The following EVI5 variants were observed in gnomAD, a reference collection of about 807,000 sequenced individuals.
EVI5 encodes ecotropic viral integration site 5.
In EVI5, 73 loss-of-function variants were observed where a neutral mutation model predicts 112.0. The observed-to-expected ratio is 0.65, with a 90% confidence interval of 0.54 to 0.79. The LOEUF is 0.79. Ranked by LOEUF, EVI5 falls within the 30% of genes least tolerant of loss-of-function variation. EVI5 has a pLI of 0.00. For synonymous variants in EVI5, 305 were observed against 319.9 expected, an observed-to-expected ratio of 0.95 and a Z score of 0.50; for missense variants, 900 against 968.8, an observed-to-expected ratio of 0.93 and a Z score of 0.94.
chr1:92,580,229 A>G (rs4847327), intron 18 of EVI5, among the ~76,000 whole-genome samples: 140,266 of 152,252 alleles, frequency 0.92, 64,698 homozygotes, highest in East Asian at 0.97. Context: ...TTCCTGTTTA[A>G]TCCAAAAATC....
intron 16 of EVI5, chr1:92,622,247 G>A (rs1191946710): frequency 1.0e-5 from 4 of 398,500 alleles, no homozygotes; most frequent in African/African-American, 2.1e-5. Context: ...TTTGATAACT[G>A]TACCTCAGTA....
intron 19 of EVI5, among the ~76,000 whole-genome samples, chr1:92,518,869 C>G (rs940533689): frequency 3.3e-5 from 5 of 152,084 alleles, no homozygotes; most frequent in African/African-American, 9.7e-5. Flanking sequence ...ATTTAAGAAT[C>G]AGAATGGCAT....
intron 13 of EVI5, among the ~76,000 whole-genome samples, chr1:92,650,057 C>G (rs1425579588): frequency 1.3e-5 from 2 of 152,132 alleles, no homozygotes; most frequent in African/African-American, 2.4e-5. Flanking sequence ...TATCCTTATG[C>G]CAGTACTACT....
At chr1:92,710,385 C>T (rs116712989) in intron 2 of EVI5, among the ~76,000 whole-genome samples, 2,881 of 152,012 alleles carry the variant, frequency 0.019, 109 homozygotes, top group African/African-American at 0.065. Context: ...GAATAATTCA[C>T]CTCACTTCCC....
intron 10 of EVI5, among the ~76,000 whole-genome samples, chr1:92,671,245 T>A (rs556303953): frequency 6.6e-6 from 1 of 152,276 alleles, no homozygotes; most frequent in Admixed American, 6.5e-5. Context: ...CATTTCTCCA[T>A]CCTCATTTCA....
intron 19 of EVI5, among the ~76,000 whole-genome samples, chr1:92,552,809 C>A (rs749878944): frequency 2.6e-5 from 4 of 151,812 alleles, no homozygotes; most frequent in Non-Finnish European, 4.4e-5. Flanking sequence ...TTTTTAAGTT[C>A]GAATATTTTT....
intron 14 of EVI5, among the ~76,000 whole-genome samples, chr1:92,634,765 G>C (rs1157488198): frequency 6.6e-6 from 1 of 152,170 alleles, no homozygotes; most frequent in Admixed American, 6.6e-5. Flanking sequence ...CTGCTTTTTA[G>C]AATTTTCAGT....
At chr1:92,553,684 T>G (rs1029435579) in intron 19 of EVI5, among the ~76,000 whole-genome samples, 1 of 152,134 alleles carries the variant, frequency 6.6e-6, no homozygotes, top group South Asian at 2.1e-4. Flanking sequence ...TCAGCCAACC[T>G]CGGTCTCACA....
At chr1:92,630,617 T>C (rs926828899) in intron 14 of EVI5, among the ~76,000 whole-genome samples, 217 of 152,274 alleles carry the variant, frequency 1.4e-3, no homozygotes, top group Non-Finnish European at 2.6e-3. Context: ...ATTCTGTAGG[T>C]TGCCTGTTCA....
chr1:92,527,442 GAA>G (rs1160092938), intron 19 of EVI5, among the ~76,000 whole-genome samples: 1 of 143,468 alleles, frequency 7.0e-6, no homozygotes, highest in African/African-American at 2.6e-5. Flanking sequence ...AAGAAAAAAA[GAA>G]ATAAAAGAAA....
At chr1:92,517,856 C>G (rs1371262253) in intron 19 of EVI5, among the ~76,000 whole-genome samples, 1 of 146,068 alleles carries the variant, frequency 6.8e-6, no homozygotes, top group Non-Finnish European at 1.5e-5. Context: ...AAACTATCCA[C>G]TTGAAAATTA....
chr1:92,618,068 A>C (rs1653631663), intron 16 of EVI5, among the ~76,000 whole-genome samples: 1 of 152,218 alleles, frequency 6.6e-6, no homozygotes, highest in African/African-American at 2.4e-5. Context: ...TCACAATTAC[A>C]ATGTCAACTA....
intron 18 of EVI5, among the ~76,000 whole-genome samples, chr1:92,590,974 A>C (rs976976321): frequency 1.3e-5 from 2 of 152,226 alleles, no homozygotes; most frequent in African/African-American, 2.4e-5. Context: ...TTCTTAAAGA[A>C]AAGAATTTTC....
chr1:92,652,704 T>C (rs924877177), intron 13 of EVI5, among the ~76,000 whole-genome samples: 6 of 152,148 alleles, frequency 3.9e-5, no homozygotes, highest in Admixed American at 1.3e-4. Context: ...AATACTATTC[T>C]TGGGGAGAGG....
At position 92,663,433 on chromosome 1, in the gene EVI5, T is replaced by C. The variant is rs1664362179; in HGVS notation, c.1232A>G (p.Asp411Gly). ...CAAAAACTATACCTGTATCAATCTA[T>C]CTGCCAAGGAAGCACTTTCCTACAA... ...TLEKESASLA[D>G]RLIQGQVTRA... Residue 411 changes from aspartate (D) to glycine (G), a missense_variant, in exon 12 of 20, where the codon GAT (aspartate) becomes GGT (glycine). By Grantham distance (94) the Asp-to-Gly change is moderately conservative. Coordinates refer to ENST00000684568, the MANE Select transcript of EVI5 (RefSeq NM_001350197.2). 2.8e-6 allele frequency: 4 copies of C among 1,424,702 alleles called. No individual in the cohort carries two copies. Among genetic ancestry groups the C allele is most frequent in the Admixed American group, 2.2e-5 (1 of 44,632 alleles). 88.3% of individuals were successfully genotyped at this position (1,424,702 alleles called of 1,614,324 possible). A position where few individuals can be genotyped will look rare whatever the true frequency, so the allele number is the denominator to read the frequency against.
At chr1:92,672,941 C>T (rs1217525770) in intron 10 of EVI5, among the ~76,000 whole-genome samples, 1 of 152,150 alleles carries the variant, frequency 6.6e-6, no homozygotes, top group African/African-American at 2.4e-5. Flanking sequence ...ACAAATCAGA[C>T]TTCAAATCCT....
chr1:92,563,803 T>A lies in EVI5; in HGVS notation c.2071-66A>T, dbSNP rs2100907175. 3.3e-6 allele frequency: 3 copies of A among 916,250 alleles called. No individual in the cohort carries two copies. The East Asian group carries it at 7.3e-5, about 22-fold the overall frequency. The allele number at this position is 916,250 out of a possible 1,614,324, so 56.8% of individuals were successfully genotyped here. A position where few individuals can be genotyped will look rare whatever the true frequency, so the allele number is the denominator to read the frequency against. On this transcript the variant is annotated intron_variant, in intron 18 of 19. Transcript: ENST00000684568. Reference sequence around the variant, plus strand: ...TTTTTCACAGCATGTACTCAAATAGTTCAAGGTATAGGAAAAGCATAGGCA... The same window carrying A: ...TTTTTCACAGCATGTACTCAAATAGATCAAGGTATAGGAAAAGCATAGGCA...
At chr1:92,686,743 C>T (rs564633191) in intron 9 of EVI5, among the ~76,000 whole-genome samples, 3 of 152,288 alleles carry the variant, frequency 2.0e-5, no homozygotes, top group Non-Finnish European at 2.9e-5. Flanking sequence ...TATTTCTATA[C>T]ACCAATAATA....
chr1:92,733,095 T>C, intron 2 of EVI5: 1 of 221,212 alleles, frequency 4.5e-6, no homozygotes, highest in East Asian at 1.1e-4. Flanking sequence ...AGCTAAGAAA[T>C]TAAGGTTGTG....
Sources: gnomAD v4.1 joint callset for allele counts (sites outside exome capture counted in the v4.1 genomes callset) on GRCh38, gnomAD v4.1.1 for gene constraint, MANE v1.5 for transcripts, NCBI Gene and HGNC (gene_info 2026-07-23, HGNC 2026-07-21) for gene names.